Variants in DSCAM observed in about 807,000 individuals in gnomAD.
The protein encoded by DSCAM is DS cell adhesion molecule.
In DSCAM, 47 loss-of-function variants were observed where a neutral mutation model predicts 217.7. The ratio of observed to expected loss-of-function variants is 0.22; its 90% CI spans 0.17 to 0.28. The LOEUF (loss-of-function observed/expected upper bound fraction) is 0.28, where lower values mean the gene tolerates loss of function less well. Ranked by LOEUF, DSCAM falls within the 10% of genes least tolerant of loss-of-function variation. The pLI is 1.00. For missense variants in DSCAM, 2,080 were observed against 2,618.3 expected (o/e 0.79, Z 4.49); for synonymous variants, 1,056 against 1,015.3 (o/e 1.04, Z -0.76).
At position 40,183,105 on chromosome 21, in the gene DSCAM, T is replaced by TCC. The variant is rs1568987254; in HGVS notation, c.2780-4012_2780-4011insGG. Among the ~76,000 whole-genome samples the TCC allele has an allele frequency of 5.2e-4, 23 of 44,448 alleles. 5 individuals are homozygous for TCC. Among genetic ancestry groups the TCC allele is most frequent in the African/African-American group, 3.6e-3 (22 of 6,080 alleles). 29.2% of individuals were successfully genotyped at this position (44,448 alleles called of 152,430 possible). On this transcript the variant is annotated intron_variant, in intron 14 of 32. Coordinates refer to ENST00000400454, the MANE Select transcript of DSCAM (RefSeq NM_001389.5). ...CAGAGAAACCGTGGACGGGGGGGGT[T>TCC]ACCAGAGAAACCGTGGACAGGAGAG...
rs2090326350 is a variant in DSCAM at position 40,144,149 on chromosome 21, T to C, written c.3259+342A>G. 6.6e-6 allele frequency among the ~76,000 whole-genome samples: 1 copy of C among 152,232 alleles called. No homozygotes were observed. Among genetic ancestry groups the C allele is most frequent in the Non-Finnish European group, 1.5e-5 (1 of 68,046 alleles). ...ACCTTCTTAACATTTGGGAGAAAGT[T>C]TTTTAGCAAATAGCATTTCTGCATT... On this transcript the variant is annotated intron_variant, in intron 17 of 32. Transcript: ENST00000400454. This position sits in a 1 kb window ranked among gnomAD's most constrained non-coding sequence, Gnocchi z 4.8.
At chr21:40,055,557 C>T (rs1043378148) in intron 29 of DSCAM, among the ~76,000 whole-genome samples, 168 bp downstream of exon 29, 1 of 152,200 alleles carries the variant, frequency 6.6e-6, no homozygotes, top group Admixed American at 6.5e-5. Flanking sequence ...TGCACATTTG[C>T]TGGTACTGAT....
At chr21:40,590,387 C>T (rs1400396370) in intron 3 of DSCAM, among the ~76,000 whole-genome samples, 2 of 152,186 alleles carry the variant, frequency 1.3e-5, no homozygotes, top group African/African-American at 2.4e-5. Context: ...GGGTTCTGCC[C>T]CATGCATTTA....
At chr21:40,018,215 G>T (rs1179719417) in intron 32 of DSCAM, among the ~76,000 whole-genome samples, 1 of 152,094 alleles carries the variant, frequency 6.6e-6, no homozygotes, top group African/African-American at 2.4e-5. Context: ...ACATCCTTTT[G>T]TATGTGAATC....
rs139580425 is a variant in DSCAM, at chr21:40,500,790, C to T, written c.509-131545G>A. 6.2e-3 allele frequency among the ~76,000 whole-genome samples: 943 copies of T among 152,286 alleles called. 2 individuals are homozygous for T. The highest frequency in any genetic ancestry group is 0.017 in the Middle Eastern group (5 of 294). On this transcript the variant is annotated intron_variant, in intron 3 of 32. Transcript: ENST00000400454. ...AGGTGAAACAAAATCAACTCTCTAA[C>T]GATACTGCTCTTCTGCCCTATAGTC...
chr21:40,521,403 T>C (rs929740248), intron 3 of DSCAM, among the ~76,000 whole-genome samples: 6 of 152,196 alleles, frequency 3.9e-5, no homozygotes, highest in Admixed American at 3.3e-4. Flanking sequence ...TTTCTCCACA[T>C]CCTCAGCAAC....
chr21:40,694,120 G>A (rs1435925322), intron 2 of DSCAM, among the ~76,000 whole-genome samples: 1 of 152,200 alleles, frequency 6.6e-6, no homozygotes, highest in Non-Finnish European at 1.5e-5. Flanking sequence ...GGTTGGGGAA[G>A]ATCTGTCTCC....
intron 19 of DSCAM, among the ~76,000 whole-genome samples, chr21:40,130,201 G>C (rs77285127): frequency 6.6e-6 from 1 of 152,180 alleles, no homozygotes; most frequent in Non-Finnish European, 1.5e-5. Context: ...ATTGCATTTT[G>C]TTTGTGTTCT....
chr21:40,611,709 C>A (rs2089317654), intron 3 of DSCAM, among the ~76,000 whole-genome samples: 1 of 152,232 alleles, frequency 6.6e-6, no homozygotes, highest in African/African-American at 2.4e-5. Context: ...TAAGTGCCAA[C>A]TGTGTGCAGG....
intron 3 of DSCAM, among the ~76,000 whole-genome samples, chr21:40,647,341 T>G (rs895786553): frequency 1.3e-5 from 2 of 152,304 alleles, no homozygotes; most frequent in East Asian, 3.9e-4. Flanking sequence ...TGTAATATAT[T>G]TTTCCATCAG....
chr21:40,532,868 CTGTGTGTGTGTGTGTGTGTGTG>C (rs58575678), intron 3 of DSCAM, among the ~76,000 whole-genome samples: 3 of 145,918 alleles, frequency 2.1e-5, no homozygotes, highest in Non-Finnish European at 4.6e-5. Context: ...CCACAAGGCT[CTGTGTGTGTGTGTGTGTGTGTG>C]TGTGTGTGTG....
chr21:40,591,212 T>C (rs1187582327), intron 3 of DSCAM, among the ~76,000 whole-genome samples: 2 of 152,222 alleles, frequency 1.3e-5, no homozygotes, highest in African/African-American at 2.4e-5. Flanking sequence ...GTAAGTTTCC[T>C]GGGGCTTCCC....
At chr21:40,729,343 C>CAAA (rs2090989716) in intron 1 of DSCAM, among the ~76,000 whole-genome samples, 3 of 152,192 alleles carry the variant, frequency 2.0e-5, no homozygotes, top group Non-Finnish European at 4.4e-5. Context: ...GAAAGTGCTG[C>CAAA]ACTCTGTCAT....
chr21:40,461,764 G>C (rs79461942), intron 3 of DSCAM, among the ~76,000 whole-genome samples: 1 of 152,092 alleles, frequency 6.6e-6, no homozygotes, highest in Non-Finnish European at 1.5e-5. Flanking sequence ...CATCAGAGCC[G>C]GCGATGCAAT....
At chr21:40,499,982 T>C (rs1325669434) in intron 3 of DSCAM, among the ~76,000 whole-genome samples, 2 of 152,226 alleles carry the variant, frequency 1.3e-5, no homozygotes, top group Non-Finnish European at 2.9e-5. Context: ...GGTTTCACCA[T>C]GTTGGCTAGG....
chr21:40,430,246 G>A (rs766104821), intron 3 of DSCAM, among the ~76,000 whole-genome samples: 9 of 152,190 alleles, frequency 5.9e-5, no homozygotes, highest in Non-Finnish European at 8.8e-5. Flanking sequence ...AGCTGTGATG[G>A]TTAATACTGA....
At chr21:40,808,058 C>T (rs13046021) in intron 1 of DSCAM, among the ~76,000 whole-genome samples, 13,020 of 152,152 alleles carry the variant, frequency 0.086, 662 homozygotes, top group African/African-American at 0.14. Context: ...ATGACCTCAA[C>T]CAAAGACGCC....
chr21:40,300,537 G>A (rs1315566591), intron 9 of DSCAM, among the ~76,000 whole-genome samples: 3 of 152,266 alleles, frequency 2.0e-5, no homozygotes, highest in Middle Eastern at 3.4e-3. Flanking sequence ...AAGGGGATGC[G>A]GCCCTCTCTT....
rs533148918 is a variant in DSCAM, at chr21:40,597,458, G to GTT, written c.508+95350_508+95351dup. On this transcript the variant is annotated intron_variant, in intron 3 of 32. Coordinates refer to ENST00000400454, the MANE Select transcript of DSCAM (RefSeq NM_001389.5). ...GTTCTAAATCAAAGTTTGCAAGCCG[G>GTT]TTTTTTTTTTTTTTTTAACCTATCT... 4.2e-3 allele frequency among the ~76,000 whole-genome samples: 430 copies of GTT among 101,348 alleles called. 3 individuals carry two copies. Among genetic ancestry groups the GTT allele is most frequent in the African/African-American group, 0.015 (389 of 25,208 alleles). 66.5% of individuals were successfully genotyped at this position (101,348 alleles called of 152,430 possible). A position where few individuals can be genotyped will look rare whatever the true frequency, so the allele number is the denominator to read the frequency against.
Sources: gnomAD v4.1 joint callset for allele counts (sites outside exome capture counted in the v4.1 genomes callset) on GRCh38, gnomAD v4.1.1 for gene constraint, Gnocchi (gnomAD v3.1) non-coding constraint, MANE v1.5 for transcripts, NCBI Gene and HGNC (gene_info 2026-07-23, HGNC 2026-07-21) for gene names.